SHISA9: variants seen among roughly 807,000 people sequenced by gnomAD.
SHISA9 encodes the protein shisa family member 9, also known as protein shisa-9.
Under a neutral mutation model 38.0 loss-of-function variants are expected in SHISA9, and 13 were observed. The observed-to-expected ratio is 0.34, with a 90% CI of 0.22 to 0.54. The LOEUF (loss-of-function observed/expected upper bound fraction) is 0.54, where lower values mean the gene tolerates loss of function less well. SHISA9 is among the 20% of genes least tolerant of loss of function. SHISA9 has a pLI of 0.91. For missense variants in SHISA9, 538 were observed against 575.8 expected, an observed-to-expected ratio of 0.93 and a Z score of 0.67; for synonymous variants, 275 against 242.0, an observed-to-expected ratio of 1.14 and a Z score of -1.27.
chr16:13,124,417 C>G (rs2050239221), intron 2 of SHISA9, among the ~76,000 whole-genome samples: 1 of 152,088 alleles, frequency 6.6e-6, no homozygotes, highest in Non-Finnish European at 1.5e-5. Context: ...TCCCCAAGCC[C>G]AAGAAAGGTT....
chr16:13,395,262 A>G, the SHISA9 span, among the ~76,000 whole-genome samples: 70,966 of 152,014 alleles, frequency 0.47, 16,819 homozygotes, highest in East Asian at 0.57. Context: ...ACAACAGCTC[A>G]AATGAACTTC....
chr16:13,288,821 A>T, the SHISA9 span, among the ~76,000 whole-genome samples: 1 of 151,350 alleles, frequency 6.6e-6, no homozygotes, highest in Admixed American at 6.6e-5. Context: ...ACAACCTGTT[A>T]TCTTTTTCTC....
chr16:13,242,690 T>C (rs2051443990), downstream of SHISA9, among the ~76,000 whole-genome samples: 1 of 152,192 alleles, frequency 6.6e-6, no homozygotes. Flanking sequence ...TCATTTTCCT[T>C]CAGAAGGAGG....
chr16:13,234,527 GCAAA>G (rs1414440389), intron 4 of SHISA9, among the ~76,000 whole-genome samples: 1 of 152,094 alleles, frequency 6.6e-6, no homozygotes, highest in Non-Finnish European at 1.5e-5. Context: ...AAAAACAAAA[GCAAA>G]CAAACCAGCG....
At chr16:13,200,442 A>ACACACACACACACACACACACAC (rs1555470817) in intron 2 of SHISA9, among the ~76,000 whole-genome samples, 49 of 132,338 alleles carry the variant, frequency 3.7e-4, no homozygotes, top group African/African-American at 1.4e-3. Flanking sequence ...ACACACACAC[A>ACACACACACACACACACACACAC]GCAGCAGCAG....
chr16:13,146,158 C>A (rs1354218451), intron 2 of SHISA9, among the ~76,000 whole-genome samples: 1 of 152,158 alleles, frequency 6.6e-6, no homozygotes, highest in Non-Finnish European at 1.5e-5. Context: ...CCACTGCACT[C>A]CAGGCTGGGT....
At chr16:13,541,075 C>T in the SHISA9 span, among the ~76,000 whole-genome samples, 1 of 152,288 alleles carries the variant, frequency 6.6e-6, no homozygotes, top group South Asian at 2.1e-4. Context: ...TCAGTGGCGA[C>T]AAGCTGTGTG....
chr16:13,284,431 A>G, the SHISA9 span, among the ~76,000 whole-genome samples: 5 of 152,166 alleles, frequency 3.3e-5, no homozygotes, highest in East Asian at 3.9e-4. Context: ...GTATCTTTAG[A>G]GTATATTTAG....
At chr16:13,396,003 C>T in the SHISA9 span, among the ~76,000 whole-genome samples, 21 of 152,154 alleles carry the variant, frequency 1.4e-4, no homozygotes, top group African/African-American at 3.1e-4. Context: ...AAACACGGCC[C>T]TGAAATGTAA....
the SHISA9 span, among the ~76,000 whole-genome samples, chr16:13,386,943 A>G: frequency 6.6e-6 from 1 of 152,212 alleles, no homozygotes; most frequent in Non-Finnish European, 1.5e-5. Context: ...TGGGCTACAT[A>G]TGAGAAATAG....
chr16:13,373,481 G>T, the SHISA9 span, among the ~76,000 whole-genome samples: 1 of 152,178 alleles, frequency 6.6e-6, no homozygotes, highest in Non-Finnish European at 1.5e-5. Flanking sequence ...GGAGTGATGA[G>T]GCTGGGCGTG....
chr16:13,439,345 A>G, the SHISA9 span, among the ~76,000 whole-genome samples: 3 of 152,110 alleles, frequency 2.0e-5, no homozygotes, highest in African/African-American at 4.8e-5. Context: ...TTGCTGGAAG[A>G]GTAGATCTTA....
intron 2 of SHISA9, among the ~76,000 whole-genome samples, chr16:13,068,073 T>C (rs554130109): frequency 8.3e-4 from 127 of 152,310 alleles, no homozygotes; most frequent in African/African-American, 2.9e-3. Context: ...TGACCACATA[T>C]GCTCTGAGAT....
At chr16:13,060,137 C>T (rs763170004) in intron 2 of SHISA9, among the ~76,000 whole-genome samples, 1 of 152,188 alleles carries the variant, frequency 6.6e-6, no homozygotes, top group African/African-American at 2.4e-5. Context: ...AAATCCCAGA[C>T]GGGCCTGGCT....
At chr16:13,291,440 C>T in the SHISA9 span, among the ~76,000 whole-genome samples, 1 of 152,176 alleles carries the variant, frequency 6.6e-6, no homozygotes, top group African/African-American at 2.4e-5. Context: ...TTGAAATGTA[C>T]AGTTACCCCA....
At chr16:12,970,359 A>ATACG (rs2072044297) in intron 2 of SHISA9, among the ~76,000 whole-genome samples, 1 of 80,562 alleles carries the variant, frequency 1.2e-5, no homozygotes, top group African/African-American at 4.7e-5. Context: ...ATGTGTATAT[A>ATACG]TATATATATA....
the SHISA9 span, among the ~76,000 whole-genome samples, chr16:13,310,166 G>C: frequency 6.6e-6 from 1 of 152,184 alleles, no homozygotes; most frequent in Non-Finnish European, 1.5e-5. Flanking sequence ...GGGATTACAG[G>C]CGTGAGCCAC....
At chr16:13,407,583 ATTCC>A in the SHISA9 span, among the ~76,000 whole-genome samples, 2 of 152,164 alleles carry the variant, frequency 1.3e-5, no homozygotes, top group Non-Finnish European at 2.9e-5. Context: ...ACCAATAACC[ATTCC>A]TTCTTTTTTG....
At chr16:13,145,481 C>T (rs927957655) in intron 2 of SHISA9, among the ~76,000 whole-genome samples, 4 of 152,094 alleles carry the variant, frequency 2.6e-5, no homozygotes, top group African/African-American at 7.2e-5. Context: ...GAGCCAAGAT[C>T]GTGCCATTGC....
Sources: allele counts gnomAD v4.1 joint callset (sites outside exome capture counted in the v4.1 genomes callset), GRCh38; gene constraint gnomAD v4.1.1; transcripts MANE v1.5; gene names NCBI Gene and HGNC (gene_info 2026-07-23, HGNC 2026-07-21).